The following PSMG4 variants were observed in gnomAD, a reference collection of about 807,000 sequenced individuals.
PSMG4 encodes the protein proteasome assembly chaperone 4.
In PSMG4, 10 loss-of-function variants were observed where a neutral mutation model predicts 11.0. That is an observed-to-expected ratio of 0.91 (90% CI 0.56 to 1.54). The LOEUF is 1.54. Ranked by LOEUF, PSMG4 falls within the 40% of genes most tolerant of loss-of-function variation. The pLI is 0.00. For synonymous variants in PSMG4, 95 were observed against 71.3 expected (o/e 1.33, Z -1.68); for missense variants, 198 against 160.9 (o/e 1.23, Z -1.25).
upstream of PSMG4, among the ~76,000 whole-genome samples, chr6:3,257,674 C>T (rs1256607196): frequency 6.6e-6 from 1 of 152,116 alleles, no homozygotes; most frequent in African/African-American, 2.4e-5. Flanking sequence ...TCCACTGATA[C>T]AAAACTCTGG....
At chr6:3,257,851 T>C (rs1453714914), upstream of PSMG4, among the ~76,000 whole-genome samples, 1 of 152,226 alleles carries the variant, frequency 6.6e-6, no homozygotes, top group Non-Finnish European at 1.5e-5. Flanking sequence ...ATATGTGCAG[T>C]TATTGTATGT....
chr6:3,255,000 A>T (rs978416717), upstream of PSMG4: 3 of 1,529,932 alleles, frequency 2.0e-6, no homozygotes, highest in Non-Finnish European at 8.8e-7. Context: ...GACCTAGCGC[A>T]CTCCCATGTG....
At chr6:3,254,416 G>A (rs186359903), upstream of PSMG4, among the ~76,000 whole-genome samples, 1 of 151,742 alleles carries the variant, frequency 6.6e-6, no homozygotes, top group Non-Finnish European at 1.5e-5. Context: ...TGGCACATCT[G>A]AGGAGGTATG....
chr6:3,259,186 G>A lies in PSMG4; in HGVS notation c.164G>A (p.Cys55Tyr). 5 of 1,307,878 alleles carry A rather than the reference G, an allele frequency of 3.8e-6. No individual in the cohort carries two copies. Among genetic ancestry groups the A allele is most frequent in the Non-Finnish European group, 4.9e-6 (5 of 1,029,698 alleles). 81.0% of individuals were successfully genotyped at this position (1,307,878 alleles called of 1,614,324 possible). ...CTGCGCAACCTCGCCGTGGCCATGT[G>A]CAGCCGCTACGTGAGTGCCTGGCGG... ...PHLRNLAVAM[C>Y]SRYDSIPVST... Residue 55 changes from cysteine (C) to tyrosine (Y), a missense_variant, in exon 1 of 3, where the codon TGC (cysteine) becomes TAC (tyrosine). By Grantham distance (194) the Cys-to-Tyr change is radical. Coordinates refer to ENST00000438998, the MANE Select transcript of PSMG4 (RefSeq NM_001128591.2).
intron 1 of PSMG4, among the ~76,000 whole-genome samples, chr6:3,261,130 C>T (rs1229103738): frequency 6.6e-6 from 1 of 152,234 alleles, no homozygotes; most frequent in African/African-American, 2.4e-5. Context: ...GTGCTGGGGG[C>T]AGGAAGTCAT....
intron 1 of PSMG4, among the ~76,000 whole-genome samples, chr6:3,259,478 C>T (rs1268882824): frequency 1.3e-5 from 2 of 152,242 alleles, no homozygotes; most frequent in African/African-American, 4.8e-5. Flanking sequence ...CCTCGCCACA[C>T]GCTCGCTGGG....
chr6:3,254,777 T>C (rs1208902504), upstream of PSMG4, among the ~76,000 whole-genome samples: 2 of 152,100 alleles, frequency 1.3e-5, no homozygotes, highest in African/African-American at 2.4e-5. Context: ...ACCTGTAGGG[T>C]CTGGCTGAAT....
At chr6:3,254,564 T>G (rs541851504), upstream of PSMG4, among the ~76,000 whole-genome samples, 27 of 152,180 alleles carry the variant, frequency 1.8e-4, no homozygotes. Flanking sequence ...TTCTCGGGGT[T>G]TGTGAGGCTG....
chr6:3,257,545 T>C (rs1392305832), upstream of PSMG4, among the ~76,000 whole-genome samples: 1 of 152,116 alleles, frequency 6.6e-6, no homozygotes, highest in Non-Finnish European at 1.5e-5. Flanking sequence ...GGTGTAGCCA[T>C]ACAATGGAAC....
rs73351016 is a variant in PSMG4, at chr6:3,259,469, C to T, written c.174+273C>T. On this transcript the variant is annotated intron_variant, in intron 1 of 2. Transcript: ENST00000438998. ...TAGGTCAGAATGTCTTGGGTCTGTC[C>T]TCGCCACACGCTCGCTGGGGGACGC... is the stretch of plus-strand genomic sequence containing the variant. 4.8e-3 allele frequency among the ~76,000 whole-genome samples: 729 copies of T among 152,366 alleles called. 7 individuals are homozygous for T. The highest frequency in any genetic ancestry group is 0.017 in the African/African-American group (694 of 41,590).
At chr6:3,259,842 C>T (rs1268768835) in intron 1 of PSMG4, among the ~76,000 whole-genome samples, 2 of 152,224 alleles carry the variant, frequency 1.3e-5, no homozygotes, top group Non-Finnish European at 2.9e-5. Flanking sequence ...CCTCCTCTCC[C>T]GCCTTTCCGG....
upstream of PSMG4, among the ~76,000 whole-genome samples, chr6:3,255,698 A>G (rs1294719214): frequency 6.6e-6 from 1 of 152,230 alleles, no homozygotes; most frequent in Non-Finnish European, 1.5e-5. Context: ...CCTATGGCCA[A>G]AAGCAGGAAC....
intron 2 of PSMG4, 46 bp from the exon 3 acceptor site, chr6:3,267,545 T>C: frequency 6.5e-7 from 1 of 1,544,232 alleles, no homozygotes; most frequent in Non-Finnish European, 8.8e-7. Context: ...ACACGGGGCC[T>C]GCAGTATTTC....
intron 2 of PSMG4, chr6:3,264,166 CTG>C (rs1470898608): frequency 6.5e-7 from 1 of 1,549,640 alleles, no homozygotes; most frequent in East Asian, 2.4e-5. Context: ...GGTGTCACCT[CTG>C]TGCAGGAAGG....
In PSMG4 at chr6:3,267,733, T is replaced by G. The variant is rs200400600; in HGVS notation, c.*21T>G. ...TCTAGCTGAGTGGCAGAAGTGAGAA[T>G]TTGTAAACTTATGTACAATGTACGT... On this transcript the variant is annotated 3_prime_UTR_variant, in exon 3 of 3. Transcript: ENST00000438998. 15 of 1,550,166 alleles carry G rather than the reference T, an allele frequency of 9.7e-6. No homozygotes were observed. The highest frequency in any genetic ancestry group is 1.3e-5 in the Non-Finnish European group (15 of 1,145,804).
chr6:3,257,299 C>A (rs942635958), upstream of PSMG4, among the ~76,000 whole-genome samples: 1 of 152,150 alleles, frequency 6.6e-6, no homozygotes, highest in African/African-American at 2.4e-5. Flanking sequence ...CTGGCTGTGA[C>A]CCTCTGCCTG....
At chr6:3,263,541 C>T in intron 1 of PSMG4, 143 bp from the exon 2 acceptor site, 1 of 650,096 alleles carries the variant, frequency 1.5e-6, no homozygotes, top group Non-Finnish European at 2.5e-6. Context: ...CGGACGCCAC[C>T]CCTCTTTCCC....
At chr6:3,265,982 A>G (rs1758167305) in intron 2 of PSMG4, 3 of 151,402 alleles carry the variant, frequency 2.0e-5, no homozygotes, top group Non-Finnish European at 2.9e-5. Flanking sequence ...CATACAATTC[A>G]GCAGCTGTCC....
At chr6:3,254,966 T>C (rs1157404157), upstream of PSMG4, 17 of 1,427,670 alleles carry the variant, frequency 1.2e-5, no homozygotes, top group African/African-American at 4.4e-5. Flanking sequence ...TTGCAGAGCA[T>C]GTGATGTGGC....
Sources: gnomAD v4.1 joint callset for allele counts (sites outside exome capture counted in the v4.1 genomes callset) on GRCh38, gnomAD v4.1.1 for gene constraint, MANE v1.5 for transcripts, NCBI Gene and HGNC (gene_info 2026-07-23, HGNC 2026-07-21) for gene names.